Variants in GLI2 observed in about 807,000 individuals in gnomAD.
GLI2 encodes the protein transcription activator GLI2.
A neutral mutation model predicts 78.9 loss-of-function variants in GLI2; 22 were observed. The ratio of observed to expected loss-of-function variants is 0.28; its 90% CI spans 0.20 to 0.40. The LOEUF is 0.40. GLI2 is among the 10% of genes least tolerant of loss of function. The probability of loss-of-function intolerance (pLI) is 1.00; values close to 1 mark genes in which losing one functional copy is unlikely to be tolerated. For missense variants in GLI2, 2,097 were observed against 2,213.2 expected (o/e 0.95, Z 1.05); for synonymous variants, 974 against 963.7 (o/e 1.01, Z -0.20).
intron 1 of GLI2, among the ~76,000 whole-genome samples, chr2:120,784,130 C>G (rs987383413): frequency 1.3e-5 from 2 of 152,222 alleles, no homozygotes; most frequent in Admixed American, 6.5e-5. Context: ...TCTGATGGCC[C>G]TCACTCATGG....
intron 2 of GLI2, among the ~76,000 whole-genome samples, chr2:120,830,543 G>T (rs999906505): frequency 1.3e-5 from 2 of 152,254 alleles, no homozygotes; most frequent in African/African-American, 4.8e-5. Context: ...CATGGGAAGG[G>T]CAGCACATGC....
intron 1 of GLI2, among the ~76,000 whole-genome samples, chr2:120,772,944 C>A (rs752142326): frequency 6.6e-6 from 1 of 152,216 alleles, no homozygotes; most frequent in African/African-American, 2.4e-5. Context: ...CCTTCCCTCC[C>A]CTCTCCTTGA....
chr2:120,899,316 G>C (rs776984619), intron 2 of GLI2, among the ~76,000 whole-genome samples: 3 of 152,180 alleles, frequency 2.0e-5, no homozygotes, highest in Non-Finnish European at 4.4e-5. Flanking sequence ...GGGAGAGCAC[G>C]TTTCTCACTT....
At chr2:120,805,043 G>T (rs1189684683) in intron 2 of GLI2, among the ~76,000 whole-genome samples, 1 of 152,226 alleles carries the variant, frequency 6.6e-6, no homozygotes, top group Admixed American at 6.5e-5. Context: ...GACAAGGTCT[G>T]CAGGGTGGCT....
At chr2:120,904,942 G>A (rs921911953) in intron 2 of GLI2, among the ~76,000 whole-genome samples, 5 of 152,176 alleles carry the variant, frequency 3.3e-5, no homozygotes, top group East Asian at 1.9e-4. Flanking sequence ...AGGACAGAGC[G>A]CCTGAGCTGC....
At chr2:120,768,324 A>G (rs1431215009) in intron 1 of GLI2, among the ~76,000 whole-genome samples, 1 of 152,156 alleles carries the variant, frequency 6.6e-6, no homozygotes, top group African/African-American at 2.4e-5. Flanking sequence ...GCGCCCTCAG[A>G]GCTGGGGTTC....
intron 1 of GLI2, among the ~76,000 whole-genome samples, chr2:120,766,435 G>T (rs545975570): frequency 1.6e-3 from 239 of 152,336 alleles, no homozygotes; most frequent in Middle Eastern, 6.8e-3. Flanking sequence ...GGCTGGAGAG[G>T]ATTGTGGGGG....
chr2:120,986,188 G>A (rs553743175), intron 12 of GLI2, 90 bp from the exon 13 acceptor site: 50 of 1,185,862 alleles, frequency 4.2e-5, no homozygotes, highest in African/African-American at 3.1e-4. Context: ...CAGGGTGGGC[G>A]AGGGTGTGGT....
At chr2:120,980,167 A>C (rs2105056405) in intron 10 of GLI2, among the ~76,000 whole-genome samples, 1 of 152,302 alleles carries the variant, frequency 6.6e-6, no homozygotes, top group East Asian at 1.9e-4. Context: ...TGTAACTAGG[A>C]GTGGAATTGG....
intron 1 of GLI2, among the ~76,000 whole-genome samples, chr2:120,752,044 G>A (rs1036266729): frequency 1.3e-5 from 2 of 152,116 alleles, no homozygotes; most frequent in Non-Finnish European, 2.9e-5. Context: ...TAGAGAGAAC[G>A]GCTGATAGTG....
intron 1 of GLI2, among the ~76,000 whole-genome samples, chr2:120,736,838 G>C (rs1573540874): frequency 8.5e-6 from 1 of 117,602 alleles, no homozygotes; most frequent in Non-Finnish European, 1.8e-5. Flanking sequence ...CGCCCGGCCC[G>C]GCCGCCCCCT....
intron 4 of GLI2, among the ~76,000 whole-genome samples, chr2:120,952,036 GT>G (rs1257475943): frequency 1.3e-5 from 2 of 152,214 alleles, no homozygotes. Flanking sequence ...GTACAAATAT[GT>G]CTTTATATGT....
At position 120,917,723 on chromosome 2, in the gene GLI2, A is replaced by G. The variant is rs10209292; in HGVS notation, c.149-9638A>G. On this transcript the variant is annotated intron_variant, in intron 2 of 13. Coordinates refer to ENST00000361492, the MANE Select transcript of GLI2 (RefSeq NM_001374353.1). ...GCTTCTCCTGCTGCTGACTTTCCCA[A>G]GAGGGGAGTTATTGCTGCAGCCATG... Among the ~76,000 whole-genome samples, 733 of 152,374 alleles carry G rather than the reference A, an allele frequency of 4.8e-3. 3 individuals carry two copies. The highest frequency in any genetic ancestry group is 0.016 in the African/African-American group (686 of 41,588).
chr2:120,783,099 C>G (rs950342984), intron 1 of GLI2, among the ~76,000 whole-genome samples: 6 of 152,038 alleles, frequency 3.9e-5, no homozygotes, highest in Non-Finnish European at 8.8e-5. Context: ...AGCACCTCTT[C>G]CATGCTCAGA....
chr2:120,950,185 C>T (rs750163011), intron 3 of GLI2, among the ~76,000 whole-genome samples: 1 of 152,166 alleles, frequency 6.6e-6, no homozygotes, highest in African/African-American at 2.4e-5. Context: ...AACTGAGGCT[C>T]GGAGAGGTTA....
At position 120,951,298 on chromosome 2, in the gene GLI2, T is replaced by TC; in HGVS notation, c.314dup (p.His106AlafsTer47). 6.2e-7 allele frequency: 1 copy of TC among 1,612,400 alleles called. No homozygotes were observed. Among genetic ancestry groups the TC allele is most frequent in the Non-Finnish European group, 8.5e-7 (1 of 1,178,626 alleles). ...CTCTGACATCTCCTTGATCCGGCTT[T>TC]CCCCGCACCCGGCTGGCCCTGGGGA... On this transcript the variant is annotated frameshift_variant, in exon 4 of 14. Transcript: ENST00000361492. LOFTEE classifies it high-confidence loss of function.
At position 120,807,484 on chromosome 2, in the gene GLI2, G is replaced by A. The variant is rs549541996; in HGVS notation, c.148+10016G>A. On this transcript the variant is annotated intron_variant, in intron 2 of 13. Coordinates refer to ENST00000361492, the MANE Select transcript of GLI2 (RefSeq NM_001374353.1). ...TCAAGAACTGTTTTCTGAGGGTAGC[G>A]CATACGTTCCTTAAAAATATTTGAG... 3.3e-5 allele frequency among the ~76,000 whole-genome samples: 5 copies of A among 152,224 alleles called. No homozygotes were observed. The East Asian group carries it at 5.8e-4, about 18-fold the overall frequency.
intron 2 of GLI2, among the ~76,000 whole-genome samples, chr2:120,799,465 G>A (rs1684581671): frequency 2.6e-5 from 4 of 152,322 alleles, no homozygotes; most frequent in African/African-American, 7.2e-5. Flanking sequence ...CTCACCCATC[G>A]CTGCTCCCTG....
chr2:120,796,146 C>G (rs890251477), intron 1 of GLI2, among the ~76,000 whole-genome samples: 2 of 152,220 alleles, frequency 1.3e-5, no homozygotes, highest in Admixed American at 1.3e-4. Context: ...TCTGCTCTGA[C>G]CCACCACTCA....
Sources: allele counts gnomAD v4.1 joint callset (sites outside exome capture counted in the v4.1 genomes callset), GRCh38; gene constraint gnomAD v4.1.1; transcripts MANE v1.5; gene names NCBI Gene and HGNC (gene_info 2026-07-23, HGNC 2026-07-21).